The following ADCY8 variants were observed in gnomAD, a reference collection of about 807,000 sequenced individuals.
ADCY8 encodes adenylate cyclase 8, also known as adenylate cyclase type 8.
A neutral mutation model predicts 119.7 loss-of-function variants in ADCY8; 51 were observed. The observed-to-expected ratio is 0.43, with a 90% CI of 0.34 to 0.54. ADCY8 has a LOEUF of 0.54. ADCY8 is among the 20% of genes least tolerant of loss of function. ADCY8 has a pLI of 0.03. For synonymous variants in ADCY8, 665 were observed against 651.0 expected (o/e 1.02, Z -0.33); for missense variants, 1,383 against 1,598.8 (o/e 0.87, Z 2.30).
chr8:130,889,299 G>T (rs1262453768), intron 7 of ADCY8, among the ~76,000 whole-genome samples: 1 of 152,026 alleles, frequency 6.6e-6, no homozygotes, highest in Non-Finnish European at 1.5e-5. Flanking sequence ...CTGATACTTT[G>T]TAGTCACTTA....
chr8:130,799,413 G>C (rs567784934), intron 15 of ADCY8, among the ~76,000 whole-genome samples: 8 of 152,206 alleles, frequency 5.3e-5, no homozygotes, highest in Non-Finnish European at 1.2e-4. Context: ...ACAATGGAAA[G>C]AAGGACTTCA....
intron 15 of ADCY8, among the ~76,000 whole-genome samples, chr8:130,796,198 G>A (rs578162097): frequency 1.8e-4 from 28 of 152,326 alleles, no homozygotes; most frequent in African/African-American, 6.5e-4. Flanking sequence ...GCTCTGGTAA[G>A]CCTCCCCCTC....
At chr8:131,022,106 G>T (rs556317550) in intron 1 of ADCY8, among the ~76,000 whole-genome samples, 17 of 151,740 alleles carry the variant, frequency 1.1e-4, no homozygotes, top group African/African-American at 3.4e-4. Context: ...TTTCCATTTG[G>T]TGTGCACACC....
At chr8:130,958,327 T>C (rs1422628858) in intron 2 of ADCY8, among the ~76,000 whole-genome samples, 1 of 152,156 alleles carries the variant, frequency 6.6e-6, no homozygotes, top group Non-Finnish European at 1.5e-5. Flanking sequence ...TAAGCAACAA[T>C]GAATGCATCC....
chr8:130,950,226 G>C (rs1821229740), intron 3 of ADCY8, among the ~76,000 whole-genome samples: 2 of 152,192 alleles, frequency 1.3e-5, no homozygotes, highest in African/African-American at 4.8e-5. Flanking sequence ...GTGGGTGGGA[G>C]ATACAGTTCC....
intron 1 of ADCY8, among the ~76,000 whole-genome samples, chr8:131,007,148 T>C (rs1200284847): frequency 6.6e-6 from 1 of 152,210 alleles, no homozygotes; most frequent in Non-Finnish European, 1.5e-5. Flanking sequence ...TAAACTCTTT[T>C]AGTTAAAAAA....
At chr8:130,845,780 A>G (rs546073004) in intron 11 of ADCY8, among the ~76,000 whole-genome samples, 1 of 152,288 alleles carries the variant, frequency 6.6e-6, no homozygotes, top group African/African-American at 2.4e-5. Context: ...ACCAGGGAAG[A>G]TAAAGAATAA....
chr8:130,972,598 C>A (rs1254059637), intron 2 of ADCY8, among the ~76,000 whole-genome samples: 1 of 152,080 alleles, frequency 6.6e-6, no homozygotes, highest in African/African-American at 2.4e-5. Context: ...CTTAAATGAT[C>A]AAGGCAACCA....
chr8:130,822,710 C>A (rs1816556324), intron 12 of ADCY8, among the ~76,000 whole-genome samples: 1 of 152,100 alleles, frequency 6.6e-6, no homozygotes, highest in Non-Finnish European at 1.5e-5. Context: ...TTTGTGGACC[C>A]CTGAAAAAAG....
chr8:130,966,643 T>C (rs1821771479), intron 2 of ADCY8, among the ~76,000 whole-genome samples: 1 of 152,162 alleles, frequency 6.6e-6, no homozygotes, highest in Admixed American at 6.5e-5. Flanking sequence ...AGCGGCAGCA[T>C]AGTAGAGGAA....
Position 130,884,777 on chromosome 8 carries a change from A to G in ADCY8, c.1912-16T>C, listed in dbSNP as rs1187350381. On this transcript the variant is annotated splice_polypyrimidine_tract_variant and intron_variant, in intron 7 of 17. Transcript: ENST00000286355. ...CAGCCAGAGTCTAGGGGGAAAGCAC[A>G]TGCAAACACAATAAACCTGCTAGTC... 1.2e-6 allele frequency: 2 copies of G among 1,612,618 alleles called. No individual in the cohort carries two copies. The highest frequency in any genetic ancestry group is 1.3e-5 in the African/African-American group (1 of 74,884).
intron 9 of ADCY8, among the ~76,000 whole-genome samples, chr8:130,858,475 G>T (rs767618631): frequency 3.3e-5 from 5 of 152,228 alleles, no homozygotes; most frequent in Non-Finnish European, 5.9e-5. Context: ...CGGGTTTGGG[G>T]AGGAAGACCA....
chr8:130,993,395 C>A (rs1014185986), intron 1 of ADCY8, among the ~76,000 whole-genome samples: 1 of 152,104 alleles, frequency 6.6e-6, no homozygotes, highest in Non-Finnish European at 1.5e-5. Flanking sequence ...AGTTTATATA[C>A]CAAACAGATT....
intron 8 of ADCY8, among the ~76,000 whole-genome samples, chr8:130,869,629 T>C (rs1413974899): frequency 6.6e-6 from 1 of 151,560 alleles, no homozygotes; most frequent in African/African-American, 2.4e-5. Context: ...TCCATTCTCC[T>C]GCCTCAGCCT....
chr8:130,888,937 G>A (rs1417837277), intron 7 of ADCY8, among the ~76,000 whole-genome samples: 1 of 152,066 alleles, frequency 6.6e-6, no homozygotes, highest in African/African-American at 2.4e-5. Context: ...GCAGGCTGAA[G>A]GTGTACTGTC....
At chr8:130,797,804 G>A (rs1355213705) in intron 15 of ADCY8, among the ~76,000 whole-genome samples, 2 of 152,172 alleles carry the variant, frequency 1.3e-5, no homozygotes, top group Admixed American at 6.5e-5. Flanking sequence ...AAGTGATCAC[G>A]TCTTATCCAT....
intron 1 of ADCY8, among the ~76,000 whole-genome samples, chr8:131,024,630 A>C (rs114222705): frequency 6.6e-6 from 1 of 152,224 alleles, no homozygotes; most frequent in Non-Finnish European, 1.5e-5. Context: ...CCATGAAGTC[A>C]CTAATTATAT....
At chr8:130,843,404 T>C (rs1817205242) in intron 11 of ADCY8, among the ~76,000 whole-genome samples, 2 of 152,116 alleles carry the variant, frequency 1.3e-5, no homozygotes, top group Non-Finnish European at 2.9e-5. Context: ...CTCTCCAGAG[T>C]AGTATGTTCT....
chr8:130,785,192 G>A (rs10956551), intron 16 of ADCY8, among the ~76,000 whole-genome samples, 191 bp downstream of exon 16: 92,761 of 152,112 alleles, frequency 0.61, 29,125 homozygotes, highest in African/African-American at 0.73. Flanking sequence ...AAAAAGCAGC[G>A]TGGCTTCATC....
Sources: gnomAD v4.1 joint callset for allele counts (sites outside exome capture counted in the v4.1 genomes callset) on GRCh38, gnomAD v4.1.1 for gene constraint, MANE v1.5 for transcripts, NCBI Gene and HGNC (gene_info 2026-07-23, HGNC 2026-07-21) for gene names.